FBLN1: variants seen among roughly 807,000 people sequenced by gnomAD.
The protein encoded by FBLN1 is fibulin-1.
A neutral mutation model predicts 89.7 loss-of-function variants in FBLN1; 34 were observed. That is an observed-to-expected ratio of 0.38 (90% CI 0.29 to 0.50). FBLN1 has a LOEUF of 0.50. Among genes scored for constraint, FBLN1 ranks in the 20% least tolerant of loss-of-function variants. The probability of loss-of-function intolerance (pLI) is 0.92; values close to 1 mark genes in which losing one functional copy is unlikely to be tolerated. For synonymous variants in FBLN1, 393 were observed against 391.3 expected (o/e 1.00, Z -0.05); for missense variants, 777 against 988.1 (o/e 0.79, Z 2.86).
intron 16 of FBLN1, among the ~76,000 whole-genome samples, chr22:45,592,005 C>T (rs933155564): frequency 3.3e-5 from 5 of 151,124 alleles, no homozygotes; most frequent in East Asian, 3.9e-4. Flanking sequence ...AGGAAGTGTC[C>T]TGCGCGCCAT....
intron 16 of FBLN1, among the ~76,000 whole-genome samples, chr22:45,599,623 A>G (rs2089214256): frequency 6.6e-6 from 1 of 152,076 alleles, no homozygotes; most frequent in Admixed American, 6.5e-5. Context: ...GCTCCCTTAA[A>G]ACCTTTCAGG....
At chr22:45,568,670 AAT>A (rs1569260304) in intron 14 of FBLN1, among the ~76,000 whole-genome samples, 8 of 39,730 alleles carry the variant, frequency 2.0e-4, no homozygotes, top group African/African-American at 9.4e-4. Context: ...TCTGTAGGGG[AAT>A]GCCTCTTCTG....
chr22:45,505,599 C>T (rs979344173), intron 1 of FBLN1, among the ~76,000 whole-genome samples: 18 of 152,134 alleles, frequency 1.2e-4, no homozygotes, highest in African/African-American at 4.1e-4. Flanking sequence ...CTGGAGGGCT[C>T]CACGGGCCTT....
At position 45,542,228 on chromosome 22, in the gene FBLN1, C is replaced by G. The variant is rs1029261655; in HGVS notation, c.1140C>G (p.Phe380Leu). Reference sequence around the variant, plus strand: ...GCTGCGTGAACTCTCCCGGCAGTTTCCGCTGCGAATGCAAGACGGGTTACT... The same window carrying G: ...GCTGCGTGAACTCTCCCGGCAGTTTGCGCTGCGAATGCAAGACGGGTTACT... The part of the protein sequence containing the change: ...GHRCVNSPGS[F>L]RCECKTGYYF... The change falls in exon 10 of 17, where the codon TTC becomes TTG. Residue 380 changes from phenylalanine (F) to leucine (L), a missense_variant. Transcript: ENST00000327858. 58 of 1,614,074 alleles carry G rather than the reference C, an allele frequency of 3.6e-5. No individual in the cohort carries two copies. The highest frequency in any genetic ancestry group is 4.8e-5 in the Non-Finnish European group (57 of 1,180,056).
intron 4 of FBLN1, among the ~76,000 whole-genome samples, 196 bp downstream of exon 4, chr22:45,528,205 G>A (rs542176884): frequency 3.0e-4 from 45 of 152,360 alleles, no homozygotes; most frequent in African/African-American, 1.0e-3. Flanking sequence ...GGAGTTCAAA[G>A]GCAGTGTGCT....
In FBLN1 at chr22:45,562,126, T is replaced by C. The variant is rs1807417; in HGVS notation, c.1697+11511T>C. On this transcript the variant is annotated intron_variant, in intron 14 of 16. Transcript: ENST00000327858. The surrounding 1 kb of genome is among the most constrained non-coding windows in gnomAD (Gnocchi z 7.8). ...TGACACTATTAACCATCACAGGACC[T>C]GTCCCCGTCTCCACTGCAGGAAGTT... Among the ~76,000 whole-genome samples the C allele has an allele frequency of 0.097, 14,814 of 152,226 alleles. 1,533 individuals are homozygous for C. The highest frequency in any genetic ancestry group is 0.26 in the African/African-American group (10,589 of 41,488).
chr22:45,592,351 G>C (rs1267488120), intron 16 of FBLN1, among the ~76,000 whole-genome samples: 1 of 152,158 alleles, frequency 6.6e-6, no homozygotes, highest in Non-Finnish European at 1.5e-5. Flanking sequence ...TTTTGAGACA[G>C]AGTCTCGCTC....
chr22:45,509,059 C>G (rs2088064075), intron 1 of FBLN1, among the ~76,000 whole-genome samples: 1 of 152,170 alleles, frequency 6.6e-6, no homozygotes, highest in Admixed American at 6.5e-5. Context: ...CATGAACAAG[C>G]TGGCCTGAGG....
At chr22:45,559,341 G>C (rs1017302766) in intron 14 of FBLN1, among the ~76,000 whole-genome samples, 1 of 152,176 alleles carries the variant, frequency 6.6e-6, no homozygotes, top group Non-Finnish European at 1.5e-5. Context: ...GAGTTGAACC[G>C]GGATGTGGTG....
chr22:45,555,260 TATATAAAATGGA>T (rs1396388121), intron 14 of FBLN1, among the ~76,000 whole-genome samples: 3 of 35,704 alleles, frequency 8.4e-5, no homozygotes, highest in African/African-American at 2.0e-4. Context: ...TATATATATA[TATATAAAATGGA>T]ATATATATAT....
At chr22:45,542,904 G>A (rs1387140712) in intron 10 of FBLN1, among the ~76,000 whole-genome samples, 5 of 152,238 alleles carry the variant, frequency 3.3e-5, no homozygotes, top group Non-Finnish European at 1.5e-5. Flanking sequence ...GGCACAGCGC[G>A]GCAGTCCCGG....
In FBLN1 at chr22:45,502,913, AGCCCGCGCCGCTGCCCCAGGACCGC is replaced by A. The variant is rs1168672844; in HGVS notation, c.-63_-39del. The A allele has an allele frequency of 7.0e-6, 4 of 567,944 alleles. No homozygotes were observed. The highest frequency in any genetic ancestry group is 8.1e-4 in the Middle Eastern group (1 of 1,240). 35.2% of individuals were successfully genotyped at this position (567,944 alleles called of 1,614,324 possible). ...CTGCCGAGGCTCGGCCGGAGCGTGG[AGCCCGCGCCGCTGCCCCAGGACCGC>A]GCCCGCGCCTTTGTCCGCCGCCGCC... On this transcript the variant is annotated 5_prime_UTR_variant, in exon 1 of 17. Coordinates refer to ENST00000327858, the MANE Select transcript of FBLN1 (RefSeq NM_006486.3).
intron 1 of FBLN1, among the ~76,000 whole-genome samples, chr22:45,507,955 C>G (rs1255382006): frequency 6.6e-6 from 1 of 152,198 alleles, no homozygotes; most frequent in Non-Finnish European, 1.5e-5. Context: ...AGTGCCATTT[C>G]TGAGAGTCAC....
intron 12 of FBLN1, among the ~76,000 whole-genome samples, chr22:45,547,428 C>T (rs2088646486): frequency 8.6e-6 from 1 of 116,702 alleles, no homozygotes; most frequent in Non-Finnish European, 1.6e-5. Flanking sequence ...CACGGTCTTG[C>T]TCTGTTGCCC....
intron 16 of FBLN1, among the ~76,000 whole-genome samples, chr22:45,585,089 G>T (rs2089073250): frequency 6.6e-6 from 1 of 152,206 alleles, no homozygotes; most frequent in African/African-American, 2.4e-5. Context: ...TTTAGGGGTT[G>T]GTGTCATCCC....
chr22:45,597,619 G>T lies in FBLN1; in HGVS notation c.1973-2688G>T, dbSNP rs1328824431. Among the ~76,000 whole-genome samples the T allele has an allele frequency of 6.6e-6, 1 of 152,184 alleles. No individual in the cohort carries two copies. Among genetic ancestry groups the T allele is most frequent in the Non-Finnish European group, 1.5e-5 (1 of 68,040 alleles). ...ACCCAGCCCAGGGAGGGGCAGGCAG[G>T]AGTGACCCCGTCATCAGGTTCTGCT... On this transcript the variant is annotated intron_variant, in intron 16 of 16. Coordinates refer to ENST00000327858, the MANE Select transcript of FBLN1 (RefSeq NM_006486.3). This position sits in a 1 kb window ranked among gnomAD's most constrained non-coding sequence, Gnocchi z 4.2.
At chr22:45,521,752 G>A (rs1361582013) in intron 2 of FBLN1, among the ~76,000 whole-genome samples, 2 of 152,186 alleles carry the variant, frequency 1.3e-5, no homozygotes, top group African/African-American at 2.4e-5. Flanking sequence ...CAGAGCTCCT[G>A]TCTGGTTGAG....
rs148704969 is a variant in FBLN1, at chr22:45,505,732, A to G, written c.79+2668A>G. Among the ~76,000 whole-genome samples the G allele has an allele frequency of 3.6e-3, 549 of 152,348 alleles. 3 individuals are homozygous for G. The highest frequency in any genetic ancestry group is 0.013 in the African/African-American group (528 of 41,570). ...TCTTGAGGATTAAGAGAGAGAACAT[A>G]GGATAGTGTCTACCATGGCAGCTAT... On this transcript the variant is annotated intron_variant, in intron 1 of 16. Coordinates refer to ENST00000327858, the MANE Select transcript of FBLN1 (RefSeq NM_006486.3).
intron 14 of FBLN1, among the ~76,000 whole-genome samples, chr22:45,567,260 T>C (rs1269969128): frequency 1.3e-5 from 2 of 152,192 alleles, no homozygotes; most frequent in Non-Finnish European, 2.9e-5. Flanking sequence ...GGATATCTTA[T>C]TAGCTAAAGG....
Sources: allele counts gnomAD v4.1 joint callset (sites outside exome capture counted in the v4.1 genomes callset), GRCh38; gene constraint gnomAD v4.1.1; non-coding constraint Gnocchi (gnomAD v3.1); transcripts MANE v1.5; gene names NCBI Gene and HGNC (gene_info 2026-07-23, HGNC 2026-07-21).